Variants in USH2A observed in about 807,000 individuals in gnomAD.
The protein encoded by USH2A is usherin.
In USH2A, 443 loss-of-function variants were observed where a neutral mutation model predicts 538.9. That is an observed-to-expected ratio of 0.82 (90% CI 0.76 to 0.89). The LOEUF is 0.89. Ranked by LOEUF, USH2A falls within the 40% of genes least tolerant of loss-of-function variation. USH2A has a pLI of 0.00. For missense variants in USH2A, 6,633 were observed against 6,324.8 expected, an observed-to-expected ratio of 1.05 and a Z score of -1.65; for synonymous variants, 2,413 against 2,273.5, an observed-to-expected ratio of 1.06 and a Z score of -1.75.
intron 58 of USH2A, among the ~76,000 whole-genome samples, chr1:215,744,095 C>A (rs973047002): frequency 6.6e-6 from 1 of 152,164 alleles, no homozygotes; most frequent in South Asian, 2.1e-4. Flanking sequence ...GAAAACAACA[C>A]CAATTTTGCT....
intron 21 of USH2A, among the ~76,000 whole-genome samples, chr1:216,170,666 G>T (rs1007883419): frequency 1.3e-5 from 2 of 152,062 alleles, no homozygotes; most frequent in Non-Finnish European, 2.9e-5. Context: ...GAAAAAATAA[G>T]TGACAAGGAG....
intron 32 of USH2A, among the ~76,000 whole-genome samples, chr1:216,039,549 T>C (rs749050017): frequency 1.3e-5 from 2 of 152,036 alleles, no homozygotes; most frequent in Non-Finnish European, 2.9e-5. Context: ...GGTAATAGTA[T>C]TTTTATGTAA....
chr1:215,963,419 T>C (rs1667250361), intron 37 of USH2A, among the ~76,000 whole-genome samples: 1 of 152,070 alleles, frequency 6.6e-6, no homozygotes, highest in South Asian at 2.1e-4. Context: ...ACCTCACCCC[T>C]TTCCAACCCC....
chr1:215,999,450 A>ATTAGG (rs561137115), intron 33 of USH2A, among the ~76,000 whole-genome samples: 27 of 152,320 alleles, frequency 1.8e-4, no homozygotes, highest in African/African-American at 6.0e-4. Context: ...TTAATATGTA[A>ATTAGG]TTAGAGAAAA....
intron 60 of USH2A, among the ~76,000 whole-genome samples, chr1:215,735,204 A>G (rs1038335864): frequency 8.5e-5 from 13 of 152,310 alleles, no homozygotes; most frequent in African/African-American, 3.1e-4. Context: ...CCAGCTTCAC[A>G]GGCACCCTCC....
chr1:215,944,345 T>C (rs1479944270), intron 37 of USH2A, among the ~76,000 whole-genome samples: 1 of 152,172 alleles, frequency 6.6e-6, no homozygotes, highest in Admixed American at 6.5e-5. Context: ...AATTAAACAA[T>C]TAAAGAAGCT....
At chr1:215,884,286 A>T (rs1410224931) in intron 41 of USH2A, among the ~76,000 whole-genome samples, 1 of 152,132 alleles carries the variant, frequency 6.6e-6, no homozygotes, top group Admixed American at 6.5e-5. Context: ...AACAAAAAAC[A>T]TCGGCATTCT....
chr1:216,120,542 G>A (rs190553335), intron 21 of USH2A, among the ~76,000 whole-genome samples: 134 of 150,702 alleles, frequency 8.9e-4, no homozygotes, highest in Middle Eastern at 3.4e-3. Context: ...ACAGCGCCCA[G>A]CTAATCTCTT....
chr1:216,283,071 C>A (rs949704128), intron 11 of USH2A, among the ~76,000 whole-genome samples: 2 of 151,946 alleles, frequency 1.3e-5, no homozygotes, highest in African/African-American at 4.8e-5. Context: ...TGCAACCTTG[C>A]TGAATTTATT....
rs376464363 is a variant in USH2A at position 216,217,586 on chromosome 1, G to A, written c.2994-36C>T. 127 of 1,608,672 alleles carry A rather than the reference G, an allele frequency of 7.9e-5. 1 individual carries two copies. The highest frequency in any genetic ancestry group is 1.1e-4 in the Non-Finnish European group (126 of 1,176,574). The stretch of plus-strand genomic sequence containing the variant: ...GGCAAATAAACCATCAAAGAGAATA[G>A]TGTTTTGATTAATAATTCATAGTAT... On this transcript the variant is annotated intron_variant, in intron 14 of 71. Coordinates refer to ENST00000307340, the MANE Select transcript of USH2A (RefSeq NM_206933.4).
intron 37 of USH2A, among the ~76,000 whole-genome samples, chr1:215,942,919 A>G (rs1420015213): frequency 6.6e-6 from 1 of 152,206 alleles, no homozygotes; most frequent in Non-Finnish European, 1.5e-5. Flanking sequence ...TGGGAGATAC[A>G]TGTGAATAAA....
At chr1:215,987,801 T>C (rs914425568) in intron 35 of USH2A, among the ~76,000 whole-genome samples, 1 of 152,236 alleles carries the variant, frequency 6.6e-6, no homozygotes, top group African/African-American at 2.4e-5. Flanking sequence ...CACGTTCCAC[T>C]GAACTGCAAG....
chr1:216,181,496 C>A (rs569954811), intron 20 of USH2A, among the ~76,000 whole-genome samples: 1 of 152,042 alleles, frequency 6.6e-6, no homozygotes, highest in East Asian at 1.9e-4. Flanking sequence ...TAAAGAAAAC[C>A]CTGCTTTTAG....
rs76548605 is a variant in USH2A, at chr1:216,396,279, T to C, written c.651+22235A>G. Among the ~76,000 whole-genome samples, 766 of 152,312 alleles carry C rather than the reference T, an allele frequency of 5.0e-3. 4 individuals are homozygous for C. The highest frequency in any genetic ancestry group is 0.018 in the African/African-American group (743 of 41,572). On this transcript the variant is annotated intron_variant, in intron 3 of 71. Coordinates refer to ENST00000307340, the MANE Select transcript of USH2A (RefSeq NM_206933.4). ...AGCTTGGCTCAATAACCAAACCTAATACATTTCTGTTTATACTAAATTTAG... is the reference window on the plus strand; with the variant it reads ...AGCTTGGCTCAATAACCAAACCTAACACATTTCTGTTTATACTAAATTTAG...
chr1:215,655,725 CTTTTTTTTTTTTTT>C (rs766225635), intron 64 of USH2A, among the ~76,000 whole-genome samples: 2 of 96,172 alleles, frequency 2.1e-5, no homozygotes, highest in Non-Finnish European at 2.0e-5. Context: ...GCTAGTTATT[CTTTTTTTTTTTTTT>C]TTTTTTTTTT....
chr1:216,182,717 A>G (rs1434035373), intron 20 of USH2A, among the ~76,000 whole-genome samples: 2 of 152,112 alleles, frequency 1.3e-5, no homozygotes, highest in African/African-American at 4.8e-5. Flanking sequence ...AAGGATCAAA[A>G]TAAATTTTAA....
intron 21 of USH2A, among the ~76,000 whole-genome samples, chr1:216,159,831 TA>T (rs1460896399): frequency 6.6e-6 from 1 of 152,166 alleles, no homozygotes. Flanking sequence ...ATTTCATTTT[TA>T]AAACACATCT....
intron 64 of USH2A, 39 bp from the exon 65 acceptor site, chr1:215,650,840 AC>A: frequency 6.5e-7 from 1 of 1,533,608 alleles, no homozygotes; most frequent in Non-Finnish European, 8.9e-7. Flanking sequence ...AAAGCAAGAT[AC>A]CCTAAGGCTG....
chr1:216,413,493 A>G (rs1326949785), intron 3 of USH2A, among the ~76,000 whole-genome samples: 1 of 152,078 alleles, frequency 6.6e-6, no homozygotes, highest in Non-Finnish European at 1.5e-5. Context: ...GTTAAATTGC[A>G]TTTTGTTTTC....
Sources: gnomAD v4.1 joint callset for allele counts (sites outside exome capture counted in the v4.1 genomes callset) on GRCh38, gnomAD v4.1.1 for gene constraint, MANE v1.5 for transcripts, NCBI Gene and HGNC (gene_info 2026-07-23, HGNC 2026-07-21) for gene names.